The following SCAF8 variants were observed in gnomAD, a reference collection of about 807,000 sequenced individuals.
SCAF8 encodes SR-related and CTD-associated factor 8.
SCAF8 carries 23 observed loss-of-function variants against 140.5 expected under a neutral mutation model. The ratio of observed to expected loss-of-function variants is 0.16; its 90% CI spans 0.12 to 0.23. The LOEUF (loss-of-function observed/expected upper bound fraction) is 0.23, where lower values mean the gene tolerates loss of function less well. Among genes scored for constraint, SCAF8 ranks in the 10% least tolerant of loss-of-function variants. The pLI is 1.00. For synonymous variants in SCAF8, 575 were observed against 528.9 expected, an observed-to-expected ratio of 1.09 and a Z score of -1.20; for missense variants, 1,397 against 1,555.7, an observed-to-expected ratio of 0.90 and a Z score of 1.72.
At chr6:154,801,912 G>T in intron 6 of SCAF8, 59 bp from the exon 7 acceptor site, 1 of 1,204,048 alleles carries the variant, frequency 8.3e-7, no homozygotes. Context: ...GTTTTAGGTG[G>T]CCACTCTTAC....
intron 15 of SCAF8, among the ~76,000 whole-genome samples, chr6:154,821,504 T>C (rs983088732): frequency 1.1e-4 from 16 of 152,278 alleles, no homozygotes; most frequent in Middle Eastern, 3.4e-3. Context: ...TATAGTACTT[T>C]AGTGTCAATA....
chr6:154,815,719 G>T lies in SCAF8; in HGVS notation c.1424G>T (p.Cys475Phe). 6.3e-7 allele frequency: 1 copy of T among 1,594,204 alleles called. No individual in the cohort carries two copies. The highest frequency in any genetic ancestry group is 8.6e-7 in the Non-Finnish European group (1 of 1,162,326). The change falls in exon 13 of 20, where the codon TGT (cysteine) becomes TTT (phenylalanine). Residue 475 changes from cysteine (C) to phenylalanine (F), a missense_variant. By Grantham distance (205) the Cys-to-Phe change is radical. Transcript: ENST00000367178. ...TTTGTCTCTTGTGTCTTGACAGTAT[G>T]TAGTACTACTCTCTGGGTTGGGCAA... is the stretch of plus-strand genomic sequence containing the variant. Reference protein sequence around the residue: ...PPIRSKTLSVCSTTLWVGQVD... With the variant: ...PPIRSKTLSVFSTTLWVGQVD...
chr6:154,815,174 G>A (rs7766642), intron 12 of SCAF8, among the ~76,000 whole-genome samples: 3,809 of 152,268 alleles, frequency 0.025, 160 homozygotes, highest in African/African-American at 0.086. Context: ...GCGGGCGCCT[G>A]TAGTCCTAGC....
chr6:154,734,241 C>T (rs543329044), intron 1 of SCAF8, among the ~76,000 whole-genome samples: 12 of 152,284 alleles, frequency 7.9e-5, no homozygotes, highest in Admixed American at 5.9e-4. Context: ...ACAGGTCCCT[C>T]GAGGTCAGTT....
In SCAF8 at chr6:154,782,070, C is replaced by G. The variant is rs568046549; in HGVS notation, c.159+4025C>G. ...AGAATACTCTGGTCTCTGGCCTTGT[C>G]CTAATTAATTTTGCCAAAAATCAGT... On this transcript the variant is annotated intron_variant, in intron 3 of 19. Coordinates refer to ENST00000367178, the MANE Select transcript of SCAF8 (RefSeq NM_014892.5). Among the ~76,000 whole-genome samples the G allele has an allele frequency of 7.2e-5, 11 of 152,254 alleles. 1 individual carries two copies. The highest frequency in any genetic ancestry group is 2.6e-4 in the African/African-American group (11 of 41,540).
In SCAF8 at chr6:154,739,515, T is replaced by C. The variant is rs117147002; in HGVS notation, c.30+5585T>C. On this transcript the variant is annotated intron_variant, in intron 1 of 19. Transcript: ENST00000367178. ...TCTGAATAGGCTGAGTGGGAAGATG[T>C]AGGACCGGATATGTAGGTTTGAGAT... Among the ~76,000 whole-genome samples, 738 of 152,314 alleles carry C rather than the reference T, an allele frequency of 4.8e-3. 18 individuals are homozygous for C. Among genetic ancestry groups the C allele is most frequent in the Admixed American group, 0.035 (528 of 15,294 alleles).
chr6:154,825,562 A>G (rs982075107), intron 17 of SCAF8, among the ~76,000 whole-genome samples: 2 of 147,214 alleles, frequency 1.4e-5, no homozygotes, highest in African/African-American at 5.1e-5. Flanking sequence ...AGTCCCAGCT[A>G]CTCAGGAGGC....
intron 2 of SCAF8, among the ~76,000 whole-genome samples, chr6:154,777,458 ATAT>A (rs150216560): frequency 0.017 from 2,550 of 152,262 alleles, 27 homozygotes; most frequent in Non-Finnish European, 0.023. Flanking sequence ...ATCCATTAGG[ATAT>A]TATACATTTC....
intron 3 of SCAF8, among the ~76,000 whole-genome samples, chr6:154,784,120 G>GAGAGATATATAT (rs1362230678): frequency 1.0e-4 from 11 of 106,870 alleles, no homozygotes; most frequent in Admixed American, 3.3e-4. Flanking sequence ...GGTGTCTTGA[G>GAGAGATATATAT]ATATATATAT....
intron 1 of SCAF8, among the ~76,000 whole-genome samples, chr6:154,767,286 T>A (rs1434022029): frequency 6.6e-6 from 1 of 152,130 alleles, no homozygotes; most frequent in Non-Finnish European, 1.5e-5. Context: ...CCTGACTGCA[T>A]TTGCACAAAA....
At chr6:154,822,162 C>G (rs1457861336) in intron 15 of SCAF8, 114 bp from the exon 16 acceptor site, 1 of 1,118,934 alleles carries the variant, frequency 8.9e-7, no homozygotes, top group African/African-American at 1.6e-5. Flanking sequence ...GTGGATATAT[C>G]TTAAAGATGT....
intron 1 of SCAF8, among the ~76,000 whole-genome samples, chr6:154,744,886 A>G (rs988242696): frequency 2.0e-5 from 3 of 152,230 alleles, no homozygotes; most frequent in Non-Finnish European, 4.4e-5. Flanking sequence ...ATGAACACAT[A>G]ATTTCTTTTC....
chr6:154,795,140 G>T lies in SCAF8; in HGVS notation c.606+1G>T. 1 of 1,563,544 alleles carries T rather than the reference G, an allele frequency of 6.4e-7. No individual in the cohort carries two copies. Among genetic ancestry groups the T allele is most frequent in the Non-Finnish European group, 8.6e-7 (1 of 1,164,518 alleles). On this transcript the variant is annotated splice_donor_variant, in intron 6 of 19. Transcript: ENST00000367178. LOFTEE classifies it high-confidence loss of function. ...CTTGCAAAGTCCTCAAGGCCAGCAG[G>T]TGAGCGGTTTTTCTGTTATATCAAG...
At chr6:154,804,506 ATTG>A (rs1230532994) in intron 8 of SCAF8, among the ~76,000 whole-genome samples, 3 of 152,092 alleles carry the variant, frequency 2.0e-5, no homozygotes, top group South Asian at 2.1e-4. Context: ...AAGTTAACTA[ATTG>A]TTATTATTGT....
At chr6:154,822,235 G>C in intron 15 of SCAF8, 41 bp from the exon 16 acceptor site, 1 of 1,570,204 alleles carries the variant, frequency 6.4e-7, no homozygotes, top group Non-Finnish European at 8.6e-7. Context: ...ATGAAAAGTT[G>C]CACCTATCCA....
intron 2 of SCAF8, among the ~76,000 whole-genome samples, chr6:154,777,419 T>C (rs1245208197): frequency 6.6e-6 from 1 of 152,212 alleles, no homozygotes; most frequent in African/African-American, 2.4e-5. Flanking sequence ...TTAATCTACA[T>C]GTTCACTTCC....
At chr6:154,814,033 G>A (rs1018259156) in intron 12 of SCAF8, among the ~76,000 whole-genome samples, 1 of 152,218 alleles carries the variant, frequency 6.6e-6, no homozygotes, top group African/African-American at 2.4e-5. Context: ...TTTTGTTATA[G>A]CAGCAATAAA....
intron 1 of SCAF8, among the ~76,000 whole-genome samples, chr6:154,772,274 T>C (rs752796735): frequency 1.3e-5 from 2 of 152,230 alleles, no homozygotes; most frequent in East Asian, 3.8e-4. Flanking sequence ...TACAGTGTTA[T>C]ACTTAAAAAT....
intron 12 of SCAF8, among the ~76,000 whole-genome samples, chr6:154,811,689 C>T (rs1040802278): frequency 1.4e-5 from 2 of 142,392 alleles, no homozygotes; most frequent in African/African-American, 5.2e-5. Flanking sequence ...CTTCCCCCAA[C>T]CCCCCATCCC....
Sources: gnomAD v4.1 joint callset for allele counts (sites outside exome capture counted in the v4.1 genomes callset) on GRCh38, gnomAD v4.1.1 for gene constraint, MANE v1.5 for transcripts, NCBI Gene and HGNC (gene_info 2026-07-23, HGNC 2026-07-21) for gene names.